The following POLQ variants were observed in gnomAD, a reference collection of about 807,000 sequenced individuals.
POLQ encodes DNA polymerase theta.
A neutral mutation model predicts 259.2 loss-of-function variants in POLQ; 233 were observed. The ratio of observed to expected loss-of-function variants is 0.90; its 90% CI spans 0.81 to 1.00. The LOEUF (loss-of-function observed/expected upper bound fraction) is 1.00. Ranked by LOEUF, POLQ falls within the 50% of genes least tolerant of loss-of-function variation. The pLI, the probability that POLQ is intolerant of heterozygous loss-of-function variation, is 0.00. For synonymous variants in POLQ, 1,025 were observed against 1,048.8 expected (o/e 0.98, Z 0.44); for missense variants, 2,871 against 3,051.6 (o/e 0.94, Z 1.39).
At position 121,524,068 on chromosome 3, in the gene POLQ, T is replaced by G. The variant is rs564266884; in HGVS notation, c.1109-1919A>C. ...TACTTTTCTGATAAAAATCTCATCA[T>G]AGACCAGGCTCCAGTCCAAGCAGGA... On this transcript the variant is annotated intron_variant, in intron 7 of 29. Transcript: ENST00000264233. Among the ~76,000 whole-genome samples the G allele has an allele frequency of 5.6e-4, 86 of 152,352 alleles. No homozygotes were observed. The South Asian group carries it at 0.018, about 31-fold the overall frequency.
chr3:121,521,414 A>G (rs1168959952), intron 8 of POLQ, among the ~76,000 whole-genome samples: 1 of 152,140 alleles, frequency 6.6e-6, no homozygotes, highest in Non-Finnish European at 1.5e-5. Flanking sequence ...CACATTTCTA[A>G]TGCATTTAAA....
intron 22 of POLQ, among the ~76,000 whole-genome samples, chr3:121,469,022 C>A (rs986259100): frequency 1.3e-5 from 2 of 151,922 alleles, no homozygotes; most frequent in African/African-American, 4.8e-5. Context: ...CCCGTCTCCA[C>A]TAAAAACACA....
intron 6 of POLQ, among the ~76,000 whole-genome samples, chr3:121,532,610 T>C (rs897939805): frequency 6.6e-6 from 1 of 151,672 alleles, no homozygotes; most frequent in Non-Finnish European, 1.5e-5. Flanking sequence ...CAAGCAATTC[T>C]CCTGCCTCAG....
chr3:121,506,395 T>C (rs2048209516), intron 12 of POLQ, among the ~76,000 whole-genome samples: 1 of 146,236 alleles, frequency 6.8e-6, no homozygotes, highest in Non-Finnish European at 1.5e-5. Flanking sequence ...TCACTCTCCA[T>C]TTTCATCCAA....
chr3:121,544,181 A>G (rs915272063), intron 2 of POLQ, among the ~76,000 whole-genome samples: 7 of 151,788 alleles, frequency 4.6e-5, no homozygotes, highest in African/African-American at 1.7e-4. Context: ...GTGAAATCCC[A>G]TCTCTACTAA....
chr3:121,499,550 C>T (rs78282350), intron 12 of POLQ, among the ~76,000 whole-genome samples: 2,246 of 152,228 alleles, frequency 0.015, 50 homozygotes, highest in African/African-American at 0.05. Context: ...CCACTGCGCC[C>T]GGCCAGAACC....
chr3:121,439,512 CA>C (rs1241310100), intron 27 of POLQ, among the ~76,000 whole-genome samples: 1 of 152,144 alleles, frequency 6.6e-6, no homozygotes, highest in Non-Finnish European at 1.5e-5. Flanking sequence ...GGACTACAGG[CA>C]TGAGCCACTG....
chr3:121,449,339 C>T lies in POLQ; in HGVS notation c.7240G>A (p.Asp2414Asn). 6 of 1,568,360 alleles carry T rather than the reference C, an allele frequency of 3.8e-6. No homozygotes were observed. The highest frequency in any genetic ancestry group is 5.3e-6 in the Non-Finnish European group (6 of 1,138,520). Reference sequence around the variant, plus strand: ...CCTGTGTATCTGGATTTGAAGGAGTCAATATAGCATGCAGCATCATTTTCT... The same window carrying T: ...CCTGTGTATCTGGATTTGAAGGAGTTAATATAGCATGCAGCATCATTTTCT... ...IKENDAACYI[D>N]SFKSRYTGIN... The change falls in exon 26 of 30, where the codon GAC becomes AAC. Residue 2414 changes from aspartate (D) to asparagine (N), a missense_variant. Coordinates refer to ENST00000264233, the MANE Select transcript of POLQ (RefSeq NM_199420.4).
chr3:121,534,281 CATT>C (rs2048434876), intron 5 of POLQ, among the ~76,000 whole-genome samples: 1 of 144,086 alleles, frequency 6.9e-6, no homozygotes, highest in Admixed American at 6.7e-5. Context: ...TTTCCTCTTT[CATT>C]TTTTGCTCTG....
intron 14 of POLQ, among the ~76,000 whole-genome samples, chr3:121,496,102 T>C (rs1215308398): frequency 2.4e-4 from 36 of 149,632 alleles, no homozygotes; most frequent in Non-Finnish European, 1.9e-4. Flanking sequence ...TTAGATCATT[T>C]TTATAACAGT....
At chr3:121,527,091 C>T (rs1357247402) in intron 7 of POLQ, among the ~76,000 whole-genome samples, 3 of 151,846 alleles carry the variant, frequency 2.0e-5, no homozygotes, top group Non-Finnish European at 4.4e-5. Flanking sequence ...GATGGAGTCT[C>T]GCTCCATCGC....
intron 6 of POLQ, among the ~76,000 whole-genome samples, chr3:121,531,511 A>G (rs964404098): frequency 3.3e-5 from 5 of 152,170 alleles, no homozygotes; most frequent in Admixed American, 3.3e-4. Flanking sequence ...ATCATGTAGG[A>G]CCTTATAGAC....
chr3:121,502,958 AT>A (rs2108804668), intron 12 of POLQ, among the ~76,000 whole-genome samples: 1 of 152,320 alleles, frequency 6.6e-6, no homozygotes, highest in African/African-American at 2.4e-5. Flanking sequence ...ATGGCAAAAA[AT>A]ATAGAGAAAA....
At chr3:121,453,937 A>G (rs2047705364) in intron 25 of POLQ, among the ~76,000 whole-genome samples, 1 of 152,236 alleles carries the variant, frequency 6.6e-6, no homozygotes. Flanking sequence ...TGTCAGATTC[A>G]CCAAAGTTGA....
At chr3:121,511,288 C>G (rs909506064) in intron 10 of POLQ, among the ~76,000 whole-genome samples, 2 of 148,758 alleles carry the variant, frequency 1.3e-5, no homozygotes, top group Admixed American at 6.7e-5. Flanking sequence ...GTCCCAGCTA[C>G]TCAGGAGGCT....
At chr3:121,523,787 T>C (rs1020504612) in intron 7 of POLQ, among the ~76,000 whole-genome samples, 2 of 152,100 alleles carry the variant, frequency 1.3e-5, no homozygotes, top group South Asian at 2.1e-4. Flanking sequence ...TATATGTCAG[T>C]TGAAAATAAA....
At chr3:121,450,229 TATAA>T (rs1368279802) in intron 25 of POLQ, among the ~76,000 whole-genome samples, 20 of 152,296 alleles carry the variant, frequency 1.3e-4, no homozygotes, top group African/African-American at 4.3e-4. Context: ...GCAAGCTCTG[TATAA>T]ATATCATTAA....
At chr3:121,452,359 A>G (rs140940208) in intron 25 of POLQ, among the ~76,000 whole-genome samples, 5,494 of 152,258 alleles carry the variant, frequency 0.036, 148 homozygotes, top group Middle Eastern at 0.082. Flanking sequence ...TGTCTTCTGC[A>G]TAGCTTACGC....
chr3:121,514,836 G>C (rs482920), intron 9 of POLQ, among the ~76,000 whole-genome samples: 2,241 of 152,232 alleles, frequency 0.015, 26 homozygotes, highest in Non-Finnish European at 0.022. Flanking sequence ...TCTAGAAGTG[G>C]TAGGAAATTC....
Sources: gnomAD v4.1 joint callset for allele counts (sites outside exome capture counted in the v4.1 genomes callset) on GRCh38, gnomAD v4.1.1 for gene constraint, MANE v1.5 for transcripts, NCBI Gene and HGNC (gene_info 2026-07-23, HGNC 2026-07-21) for gene names.